The following HSPA12A variants were observed in gnomAD, a reference collection of about 807,000 sequenced individuals.
HSPA12A encodes heat shock 70 kDa protein 12A.
A neutral mutation model predicts 69.2 loss-of-function variants in HSPA12A; 28 were observed. That is an observed-to-expected ratio of 0.40 (90% CI 0.30 to 0.55). HSPA12A has a LOEUF of 0.55. Among genes scored for constraint, HSPA12A ranks in the 20% least tolerant of loss-of-function variants. The pLI is 0.38. For missense variants in HSPA12A, 686 were observed against 900.7 expected (o/e 0.76, Z 3.05); for synonymous variants, 345 against 370.5 (o/e 0.93, Z 0.79).
At chr10:116,736,786 GCCCAGGGAGA>G (rs1286004761) in intron 1 of HSPA12A, among the ~76,000 whole-genome samples, 1 of 152,188 alleles carries the variant, frequency 6.6e-6, no homozygotes, top group African/African-American at 2.4e-5. Context: ...CTTGGTTTTA[GCCCAGGGAGA>G]CCCATTTTGG....
In HSPA12A at chr10:116,726,027, G is replaced by GCACACACACACACACA. The variant is rs71013613; in HGVS notation, c.40+16387_40+16402dup. ...ACAAGGTTTAGACACACACACACACGCACACACACACACACACACACACAC... is the reference window on the plus strand; with the variant it reads ...ACAAGGTTTAGACACACACACACACGCACACACACACACACACACACACACACACACACACACACAC... On this transcript the variant is annotated intron_variant, in intron 1 of 11. Transcript: ENST00000369209. 8.5e-3 allele frequency among the ~76,000 whole-genome samples: 1,248 copies of GCACACACACACACACA among 146,166 alleles called. 17 individuals are homozygous for GCACACACACACACACA. The highest frequency in any genetic ancestry group is 0.015 in the African/African-American group (590 of 39,054).
At chr10:116,815,920 C>A (rs183175991) in intron 2 of HSPA12A, among the ~76,000 whole-genome samples, 2 of 152,338 alleles carry the variant, frequency 1.3e-5, no homozygotes, top group South Asian at 4.1e-4. Context: ...TCGGCCCCCG[C>A]GGCCCTAAGA....
At chr10:116,825,251 T>C (rs1338271219) in intron 2 of HSPA12A, among the ~76,000 whole-genome samples, 1 of 151,394 alleles carries the variant, frequency 6.6e-6, no homozygotes, top group Admixed American at 6.6e-5. Context: ...GGCTTATGCC[T>C]GTAATCCCAG....
chr10:116,736,010 T>A (rs985879258), intron 1 of HSPA12A, among the ~76,000 whole-genome samples: 4 of 152,254 alleles, frequency 2.6e-5, no homozygotes, highest in East Asian at 1.9e-4. Flanking sequence ...TAAATTTTTT[T>A]AAAAAGACTA....
rs1363510840 is a variant in HSPA12A at position 116,673,617 on chromosome 10, C to A, written c.*1164G>T. ...TCCAGGAACCTGTTCTGAACACGCACCCAGGCAATTCTGATGCAGGCGAGC... is the reference window on the plus strand; with the variant it reads ...TCCAGGAACCTGTTCTGAACACGCAACCAGGCAATTCTGATGCAGGCGAGC... On this transcript the variant is annotated 3_prime_UTR_variant, in exon 12 of 12. Coordinates refer to ENST00000369209, the MANE Select transcript of HSPA12A (RefSeq NM_025015.3). The A allele has an allele frequency of 6.6e-6, 1 of 152,146 alleles. No individual in the cohort carries two copies. Among genetic ancestry groups the A allele is most frequent in the Non-Finnish European group, 1.5e-5 (1 of 68,032 alleles). The allele number at this position is 152,146 out of a possible 1,614,324, so 9.4% of individuals were successfully genotyped here. A position where few individuals can be genotyped will look rare whatever the true frequency, so the allele number is the denominator to read the frequency against.
intron 1 of HSPA12A, among the ~76,000 whole-genome samples, chr10:116,736,838 A>G (rs1851332496): frequency 6.6e-6 from 1 of 152,218 alleles, no homozygotes; most frequent in African/African-American, 2.4e-5. Context: ...ATGTAAGATA[A>G]TAAATTTGTA....
intron 2 of HSPA12A, among the ~76,000 whole-genome samples, chr10:116,780,579 C>T (rs1844443535): frequency 6.6e-6 from 1 of 151,450 alleles, no homozygotes; most frequent in Non-Finnish European, 1.5e-5. Flanking sequence ...TGGTGTCTAC[C>T]TATGTTACCC....
intron 2 of HSPA12A, among the ~76,000 whole-genome samples, chr10:116,800,061 C>G (rs1450717346): frequency 1.3e-5 from 2 of 152,068 alleles, no homozygotes; most frequent in Non-Finnish European, 2.9e-5. Context: ...TTCCTAATAC[C>G]CAGCATGGAA....
At chr10:116,756,850 A>G (rs1391186248) in intron 2 of HSPA12A, among the ~76,000 whole-genome samples, 1 of 152,210 alleles carries the variant, frequency 6.6e-6, no homozygotes, top group African/African-American at 2.4e-5. Context: ...TACAACTTCC[A>G]ATGAATTGAG....
chr10:116,681,934 T>C, intron 7 of HSPA12A, 57 bp from the exon 8 acceptor site: 1 of 1,517,540 alleles, frequency 6.6e-7, no homozygotes. Flanking sequence ...AAAGCAGAGA[T>C]CATTTGCAGT....
At chr10:116,754,159 C>A (rs1843771661) in intron 2 of HSPA12A, among the ~76,000 whole-genome samples, 1 of 152,168 alleles carries the variant, frequency 6.6e-6, no homozygotes, top group African/African-American at 2.4e-5. Context: ...CCCAGGCTGG[C>A]AATGTGGTGG....
At chr10:116,697,259 T>G (rs549407862) in intron 5 of HSPA12A, among the ~76,000 whole-genome samples, 7 of 152,300 alleles carry the variant, frequency 4.6e-5, no homozygotes, top group Admixed American at 3.9e-4. Flanking sequence ...GCTCAAAACA[T>G]CAGTGCTCTT....
rs1272143296 is a variant in HSPA12A, at chr10:116,710,751, A to C, written c.41-3466T>G. Among the ~76,000 whole-genome samples, 1 of 152,228 alleles carries C rather than the reference A, an allele frequency of 6.6e-6. No individual in the cohort carries two copies. Among genetic ancestry groups the C allele is most frequent in the Non-Finnish European group, 1.5e-5 (1 of 68,038 alleles). On this transcript the variant is annotated intron_variant, in intron 1 of 11. Coordinates refer to ENST00000369209, the MANE Select transcript of HSPA12A (RefSeq NM_025015.3). This position sits in a 1 kb window ranked among gnomAD's most constrained non-coding sequence, Gnocchi z 4.1. ...ATACCTGCACATGGTGCACACCCACATCTATATATCTGTATATTCCAAATC... is the reference window on the plus strand; with the variant it reads ...ATACCTGCACATGGTGCACACCCACCTCTATATATCTGTATATTCCAAATC...
intron 2 of HSPA12A, chr10:116,750,321 C>A: frequency 2.6e-6 from 2 of 760,232 alleles, no homozygotes; most frequent in East Asian, 4.9e-5. Context: ...CAGCCTGGTG[C>A]CTTCACCTGC....
intron 1 of HSPA12A, among the ~76,000 whole-genome samples, chr10:116,715,910 A>C (rs2133010735): frequency 6.6e-6 from 1 of 152,308 alleles, no homozygotes; most frequent in East Asian, 1.9e-4. Flanking sequence ...CCCAAACATC[A>C]GGCTTCTCTG....
intron 6 of HSPA12A, among the ~76,000 whole-genome samples, chr10:116,690,342 C>T (rs1309783788): frequency 6.6e-6 from 1 of 152,180 alleles, no homozygotes; most frequent in East Asian, 1.9e-4. Flanking sequence ...CAGTGCCTAC[C>T]ACGGTCCTGA....
chr10:116,849,801 T>TTGCGCC (rs762876769), upstream of HSPA12A: 118 of 1,431,806 alleles, frequency 8.2e-5, no homozygotes, highest in Middle Eastern at 2.5e-4. Context: ...CGGCAACGCC[T>TTGCGCC]TGCGCCTGCG....
At position 116,723,912 on chromosome 10, in the gene HSPA12A, A is replaced by C. The variant is rs1042753571; in HGVS notation, c.41-16627T>G. Among the ~76,000 whole-genome samples, 2 of 152,210 alleles carry C rather than the reference A, an allele frequency of 1.3e-5. No homozygotes were observed. Among genetic ancestry groups the C allele is most frequent in the African/African-American group, 4.8e-5 (2 of 41,456 alleles). On this transcript the variant is annotated intron_variant, in intron 1 of 11. Transcript: ENST00000369209. This position sits in a 1 kb window ranked among gnomAD's most constrained non-coding sequence, Gnocchi z 4.1. ...GCCCCTGACCATACCCCAGTAGCTG[A>C]GGCCAGCGGGTCACCTGTACCCAGG...
chr10:116,835,220 G>C, intron 1 of HSPA12A: 1 of 304,916 alleles, frequency 3.3e-6, no homozygotes, highest in Non-Finnish European at 6.0e-6. Context: ...GTGTGGCCTT[G>C]GGCAAGGTGC....
Sources: allele counts gnomAD v4.1 joint callset (sites outside exome capture counted in the v4.1 genomes callset), GRCh38; gene constraint gnomAD v4.1.1; non-coding constraint Gnocchi (gnomAD v3.1); transcripts MANE v1.5; gene names NCBI Gene and HGNC (gene_info 2026-07-23, HGNC 2026-07-21).